The following EHMT1 variants were observed in gnomAD, a reference collection of about 807,000 sequenced individuals.
EHMT1 encodes the protein histone-lysine N-methyltransferase EHMT1.
Under a neutral mutation model 147.2 loss-of-function variants are expected in EHMT1, and 15 were observed. The ratio of observed to expected loss-of-function variants is 0.10; its 90% confidence interval spans 0.07 to 0.16. The LOEUF (loss-of-function observed/expected upper bound fraction) is 0.16, where lower values mean the gene tolerates loss of function less well. EHMT1 is among the 10% of genes least tolerant of loss of function. The probability of loss-of-function intolerance (pLI) is 1.00; values close to 1 mark genes in which losing one functional copy is unlikely to be tolerated. For missense variants in EHMT1, 1,587 were observed against 1,772.4 expected (o/e 0.90, Z 1.88); for synonymous variants, 795 against 709.6 (o/e 1.12, Z -1.91).
At chr9:137,718,760 CTT>C (rs780405612) in intron 3 of EHMT1, among the ~76,000 whole-genome samples, 9 of 136,256 alleles carry the variant, frequency 6.6e-5, no homozygotes, top group Non-Finnish European at 7.7e-5. Context: ...TTTTCTTTTT[CTT>C]TTTTTTTTTT....
At chr9:137,676,384 T>C (rs1941317863) in intron 1 of EHMT1, 1 of 152,428 alleles carries the variant, frequency 6.6e-6, no homozygotes, top group Non-Finnish European at 1.5e-5. Context: ...TTTATTTTTT[T>C]AGACAGGGTC....
In EHMT1 at chr9:137,776,642, G is replaced by T; in HGVS notation, c.1816G>T (p.Glu606Ter). 6.2e-7 allele frequency: 1 copy of T among 1,614,014 alleles called. No homozygotes were observed. Among genetic ancestry groups the T allele is most frequent in the South Asian group, 1.1e-5 (1 of 91,070 alleles). Residue 606 changes from glutamate (E) to a stop codon, truncating the protein, a stop_gained, in exon 12 of 27, where the codon GAG becomes TAG. Coordinates refer to ENST00000460843, the MANE Select transcript of EHMT1 (RefSeq NM_024757.5). LOFTEE classifies it high-confidence loss of function. The surrounding 1 kb of genome is among the most constrained non-coding windows in gnomAD (Gnocchi z 4.4). ...TAGNFMECQPESSISHRFHKD... is the reference protein window; with the variant it reads ...TAGNFMECQP ...GGGTAATTTTATGGAGTGTCAGCCC[G>T]AGAGCAGCATCTCTCACCGTTTCCA...
At chr9:137,725,424 C>G (rs907126861) in intron 3 of EHMT1, among the ~76,000 whole-genome samples, 1 of 152,132 alleles carries the variant, frequency 6.6e-6, no homozygotes, top group Non-Finnish European at 1.5e-5. Context: ...GAGCATTCAT[C>G]CCTCGGGGAA....
chr9:137,692,657 A>G (rs765292124), intron 1 of EHMT1, among the ~76,000 whole-genome samples: 2 of 152,112 alleles, frequency 1.3e-5, no homozygotes, highest in Admixed American at 6.5e-5. Context: ...TTAGACGTTG[A>G]TATCTTCCAT....
chr9:137,788,196 G>T (rs1952154177), intron 15 of EHMT1: 2 of 630,946 alleles, frequency 3.2e-6, no homozygotes, highest in Admixed American at 3.1e-5. Flanking sequence ...AAGCTGGGCT[G>T]CTCTGTGGCA....
intron 1 of EHMT1, among the ~76,000 whole-genome samples, chr9:137,702,369 G>T (rs973106165): frequency 1.3e-5 from 2 of 152,164 alleles, no homozygotes; most frequent in Non-Finnish European, 2.9e-5. Context: ...AGTAATACAG[G>T]CATTGGGTAA....
In EHMT1 at chr9:137,813,116, A is replaced by C; in HGVS notation, c.2978A>C (p.Lys993Thr). 1 of 1,613,172 alleles carries C rather than the reference A, an allele frequency of 6.2e-7. No homozygotes were observed. Among genetic ancestry groups the C allele is most frequent in the Non-Finnish European group, 8.5e-7 (1 of 1,180,030 alleles). Residue 993 changes from lysine to threonine, a missense_variant, in exon 20 of 27, where the codon AAG becomes ACG. Physicochemically the swap from Lys to Thr is moderately conservative, Grantham distance 78. Transcript: ENST00000460843. This position sits in a 1 kb window ranked among gnomAD's most constrained non-coding sequence, Gnocchi z 4.9. Reference sequence around the variant, plus strand: ...GTGTGGAGCGCTCTGCAGATGAGCAAGGCTCTGCAGGACTCGGCCCCCGAC... The same window carrying C: ...GTGTGGAGCGCTCTGCAGATGAGCACGGCTCTGCAGGACTCGGCCCCCGAC... ...SQVWSALQMSKALQDSAPDRP... is the reference protein window; with the variant it reads ...SQVWSALQMSTALQDSAPDRP...
At chr9:137,672,736 A>G (rs1193872496) in intron 1 of EHMT1, among the ~76,000 whole-genome samples, 1 of 152,054 alleles carries the variant, frequency 6.6e-6, no homozygotes, top group Admixed American at 6.6e-5. Context: ...AAAATAGTCA[A>G]CTCCTTAGGT....
chr9:137,632,416 T>C (rs1843692773), intron 1 of EHMT1, among the ~76,000 whole-genome samples: 1 of 152,160 alleles, frequency 6.6e-6, no homozygotes, highest in Non-Finnish European at 1.5e-5. Flanking sequence ...CATGAAGACG[T>C]AGTCTGAGTT....
At position 137,834,444 on chromosome 9, in the gene EHMT1, G is replaced by A. The variant is rs2133153415; in HGVS notation, c.3636G>A (p.Val1212=). The A allele has an allele frequency of 6.2e-7, 1 of 1,613,220 alleles. No individual in the cohort carries two copies. Among genetic ancestry groups the A allele is most frequent in the Non-Finnish European group, 8.5e-7 (1 of 1,179,812 alleles). ...HCEPNLVPVR[V]FMAHQDLRFP... is the part of the protein sequence containing the mutation. Reference sequence around the variant, plus strand: ...AGCCCAACCTGGTGCCCGTGCGCGTGTTCATGGCCCACCAGGACCTGCGGT... The same window carrying A: ...AGCCCAACCTGGTGCCCGTGCGCGTATTCATGGCCCACCAGGACCTGCGGT... Residue 1212 remains valine (V), a synonymous_variant, in exon 26 of 27, where the codon GTG becomes GTA. Transcript: ENST00000460843.
intron 3 of EHMT1, among the ~76,000 whole-genome samples, chr9:137,718,740 C>CTCTTTT (rs566131576): frequency 8.7e-5 from 13 of 149,300 alleles, no homozygotes; most frequent in Non-Finnish European, 1.6e-4. Context: ...TTAGTTCTCT[C>CTCTTTT]TCTTTTTCTT....
At chr9:137,822,779 G>T (rs1442264748) in intron 25 of EHMT1, among the ~76,000 whole-genome samples, 2 of 151,910 alleles carry the variant, frequency 1.3e-5, no homozygotes, top group Non-Finnish European at 2.9e-5. Flanking sequence ...TGTAATCCCA[G>T]TTACTCGGGA....
chr9:137,814,920 TGAG>T, intron 22 of EHMT1: 1 of 333,532 alleles, frequency 3.0e-6, no homozygotes, highest in Non-Finnish European at 5.8e-6. Flanking sequence ...GCGCTGGGCT[TGAG>T]GAGACACAGG....
Position 137,762,754 on chromosome 9 carries a change from G to C in EHMT1, c.1581G>C (p.Pro527=). 1.2e-6 allele frequency: 2 copies of C among 1,614,228 alleles called. No individual in the cohort carries two copies. The highest frequency in any genetic ancestry group is 1.7e-6 in the Non-Finnish European group (2 of 1,180,048). ...VPLCSCRMET[P]KSREITTLAN... ...TCTGCAGCTGCCGGATGGAAACACC[G>C]AAGAGTCGAGAGATCACCACACTGG... Residue 527 remains proline, a synonymous_variant, in exon 10 of 27, where the codon CCG becomes CCC. Transcript: ENST00000460843.
At chr9:137,737,675 G>C (rs1221906854) in intron 4 of EHMT1, among the ~76,000 whole-genome samples, 2 of 152,136 alleles carry the variant, frequency 1.3e-5, no homozygotes, top group Admixed American at 1.3e-4. Flanking sequence ...GATGAGACTT[G>C]GTGTCTTTTG....
intron 1 of EHMT1, among the ~76,000 whole-genome samples, chr9:137,709,240 G>T (rs1374972805): frequency 6.6e-6 from 1 of 152,118 alleles, no homozygotes; most frequent in Non-Finnish European, 1.5e-5. Context: ...CTGTTGGGGG[G>T]TAGGTGTGAA....
At chr9:137,633,222 G>C (rs1843739937) in intron 1 of EHMT1, among the ~76,000 whole-genome samples, 1 of 152,124 alleles carries the variant, frequency 6.6e-6, no homozygotes, top group Non-Finnish European at 1.5e-5. Flanking sequence ...CTCTTTCTGA[G>C]CAGGCTGGAT....
intron 13 of EHMT1, 151 bp from the exon 14 acceptor site, chr9:137,779,484 C>T (rs1205312333): frequency 2.6e-5 from 20 of 767,162 alleles, no homozygotes; most frequent in African/African-American, 6.9e-5. Flanking sequence ...AGACGTCTGC[C>T]GGGCCTTCCA....
At chr9:137,708,061 T>A (rs58871217) in intron 1 of EHMT1, among the ~76,000 whole-genome samples, 3 of 152,228 alleles carry the variant, frequency 2.0e-5, no homozygotes, top group African/African-American at 4.8e-5. Context: ...ATCACATTTT[T>A]AAAAAATAAT....
Sources: allele counts gnomAD v4.1 joint callset (sites outside exome capture counted in the v4.1 genomes callset), GRCh38; gene constraint gnomAD v4.1.1; non-coding constraint Gnocchi (gnomAD v3.1); transcripts MANE v1.5; gene names NCBI Gene and HGNC (gene_info 2026-07-23, HGNC 2026-07-21).